Variants in JAZF1 observed in about 807,000 individuals in gnomAD.
JAZF1 encodes JAZF zinc finger 1, also known as juxtaposed with another zinc finger protein 1.
JAZF1 carries 8 observed loss-of-function variants against 26.4 expected under a neutral mutation model. The observed-to-expected ratio is 0.30, with a 90% CI of 0.18 to 0.55. JAZF1 has a LOEUF of 0.55. Ranked by LOEUF, JAZF1 falls within the 20% of genes least tolerant of loss-of-function variation. The probability of loss-of-function intolerance (pLI) is 0.94; values close to 1 mark genes in which losing one functional copy is unlikely to be tolerated. For synonymous variants in JAZF1, 126 were observed against 122.3 expected, an observed-to-expected ratio of 1.03 and a Z score of -0.20; for missense variants, 199 against 322.0, an observed-to-expected ratio of 0.62 and a Z score of 2.92.
In JAZF1 at chr7:28,180,653, G is replaced by C; in HGVS notation, c.-76C>G. The C allele has an allele frequency of 9.8e-7, 1 of 1,021,086 alleles. No individual in the cohort carries two copies. Among genetic ancestry groups the C allele is most frequent in the South Asian group, 1.4e-5 (1 of 72,784 alleles). 63.3% of individuals were successfully genotyped at this position (1,021,086 alleles called of 1,614,324 possible). On this transcript the variant is annotated 5_prime_UTR_variant, in exon 1 of 5. Transcript: ENST00000283928. Reference sequence around the variant, plus strand: ...GCGAGGGAGGGAGGGAGGCCGGGTGGGGTGAGGAGAGGAGGGGCTGGGGGA... The same window carrying C: ...GCGAGGGAGGGAGGGAGGCCGGGTGCGGTGAGGAGAGGAGGGGCTGGGGGA...
In JAZF1 at chr7:28,160,962, A is replaced by AAATC. The variant is rs140435428; in HGVS notation, c.115+19497_115+19500dup. Among the ~76,000 whole-genome samples, 560 of 152,280 alleles carry AAATC rather than the reference A, an allele frequency of 3.7e-3. 1 individual carries two copies. The highest frequency in any genetic ancestry group is 0.01 in the Middle Eastern group (3 of 294). On this transcript the variant is annotated intron_variant, in intron 1 of 4. Coordinates refer to ENST00000283928, the MANE Select transcript of JAZF1 (RefSeq NM_175061.4). ...TTTTTTGACCTGAAAGAAACCTCAG[A>AAATC]AATCATCCATTCCTGCATTAGAATG...
rs138052870 is a variant in JAZF1 at position 27,964,567 on chromosome 7, T to C, written c.188+27342A>G. 6.1e-3 allele frequency among the ~76,000 whole-genome samples: 925 copies of C among 152,044 alleles called. 7 individuals are homozygous for C. Among genetic ancestry groups the C allele is most frequent in the Non-Finnish European group, 0.01 (704 of 67,978 alleles). On this transcript the variant is annotated intron_variant, in intron 2 of 4. Transcript: ENST00000283928. ...ATATTGTACAAGAATGGGTACAATA[T>C]AAATGATCCACCCCTACCACCAAAA...
chr7:28,011,166 CAA>C (rs1294226609), intron 1 of JAZF1, among the ~76,000 whole-genome samples: 1 of 152,100 alleles, frequency 6.6e-6, no homozygotes, highest in Non-Finnish European at 1.5e-5. Context: ...AGTCAACAGA[CAA>C]GAGACCTGCA....
intron 3 of JAZF1, among the ~76,000 whole-genome samples, chr7:27,848,061 C>T (rs1432619718): frequency 1.3e-5 from 2 of 152,160 alleles, no homozygotes; most frequent in Non-Finnish European, 2.9e-5. Flanking sequence ...TGTGGTTCTA[C>T]ATCAGTTTAA....
intron 3 of JAZF1, among the ~76,000 whole-genome samples, chr7:27,884,042 A>T (rs1373469743): frequency 6.6e-6 from 1 of 152,262 alleles, no homozygotes; most frequent in East Asian, 1.9e-4. Flanking sequence ...TGCTAGTTCA[A>T]AGAGTGACTG....
intron 2 of JAZF1, among the ~76,000 whole-genome samples, chr7:27,973,273 C>T (rs1272342273): frequency 6.6e-6 from 1 of 151,968 alleles, no homozygotes; most frequent in Admixed American, 6.6e-5. Context: ...CACTTTGTCA[C>T]CCAGGCTGGA....
chr7:28,160,901 A>T (rs575518131), intron 1 of JAZF1, among the ~76,000 whole-genome samples: 7 of 152,326 alleles, frequency 4.6e-5, no homozygotes, highest in African/African-American at 1.7e-4. Context: ...GGTTGGAGAG[A>T]AAAGTTCTTG....
chr7:27,996,519 T>C (rs563403495), intron 1 of JAZF1, among the ~76,000 whole-genome samples: 52 of 152,272 alleles, frequency 3.4e-4, no homozygotes, highest in South Asian at 6.2e-4. Context: ...ATTTTGAAGA[T>C]CTGGGCTGGA....
intron 3 of JAZF1, 136 bp from the exon 4 acceptor site, chr7:27,841,003 A>AG (rs1296258198): frequency 2.5e-6 from 2 of 796,288 alleles, no homozygotes; most frequent in Non-Finnish European, 4.0e-6. Context: ...TCCCGGCACC[A>AG]GGGGACTGCA....
At chr7:27,895,529 G>A (rs1784047959) in intron 2 of JAZF1, 113 bp from the exon 3 acceptor site, 6 of 614,742 alleles carry the variant, frequency 9.8e-6, no homozygotes, top group Middle Eastern at 2.9e-4. Context: ...TTGGCCACAG[G>A]TCAGTCCCAA....
Position 27,840,951 on chromosome 7 carries a change from T to G in JAZF1, c.386-84A>C. 1 of 1,469,264 alleles carries G rather than the reference T, an allele frequency of 6.8e-7. No individual in the cohort carries two copies. Among genetic ancestry groups the G allele is most frequent in the Non-Finnish European group, 9.3e-7 (1 of 1,071,884 alleles). 91.0% of individuals were successfully genotyped at this position (1,469,264 alleles called of 1,614,324 possible). On this transcript the variant is annotated intron_variant, in intron 3 of 4. Coordinates refer to ENST00000283928, the MANE Select transcript of JAZF1 (RefSeq NM_175061.4). The surrounding 1 kb of genome is among the most constrained non-coding windows in gnomAD (Gnocchi z 5.1). The stretch of plus-strand genomic sequence containing the variant: ...CCGGCCACTTCCAGGACAGGAGATG[T>G]GGCCGTGGCAGAGCAGCGCTGACGG...
intron 3 of JAZF1, among the ~76,000 whole-genome samples, chr7:27,846,348 CACGTAT>C (rs967110838): frequency 9.2e-5 from 13 of 140,874 alleles, no homozygotes; most frequent in African/African-American, 3.2e-4. Context: ...CGTATATATA[CACGTAT>C]ACGTGTACAT....
chr7:27,882,454 T>C (rs757799665), intron 3 of JAZF1, among the ~76,000 whole-genome samples: 2 of 151,966 alleles, frequency 1.3e-5, no homozygotes, highest in Non-Finnish European at 2.9e-5. Flanking sequence ...GGAGGAACTA[T>C]GTAATTTTGG....
intron 1 of JAZF1, among the ~76,000 whole-genome samples, chr7:28,030,928 C>T (rs958359697): frequency 1.3e-5 from 2 of 152,154 alleles, no homozygotes; most frequent in African/African-American, 4.8e-5. Flanking sequence ...CAGATAAATA[C>T]ATTCATCATT....
rs1189576958 is a variant in JAZF1, at chr7:28,144,459, T to C, written c.115+36004A>G. Among the ~76,000 whole-genome samples, 5 of 152,178 alleles carry C rather than the reference T, an allele frequency of 3.3e-5. No individual in the cohort carries two copies. In the East Asian group the frequency reaches 9.6e-4, roughly 29 times the overall value. ...TTCCAAGGTCCTGAGAGGCAGACAT[T>C]TGCAGGAAACAATGGGAGCAGCAGT... On this transcript the variant is annotated intron_variant, in intron 1 of 4. Coordinates refer to ENST00000283928, the MANE Select transcript of JAZF1 (RefSeq NM_175061.4).
At chr7:27,915,946 A>T (rs957444333) in intron 2 of JAZF1, among the ~76,000 whole-genome samples, 1 of 152,198 alleles carries the variant, frequency 6.6e-6, no homozygotes, top group Non-Finnish European at 1.5e-5. Context: ...GTAGAATTCA[A>T]CTGAAATTTC....
chr7:28,109,845 G>A (rs1307800545), intron 1 of JAZF1, among the ~76,000 whole-genome samples: 1 of 152,148 alleles, frequency 6.6e-6, no homozygotes, highest in Non-Finnish European at 1.5e-5. Context: ...GCCAACAACT[G>A]AAGAGAGAAT....
At chr7:28,120,509 T>C (rs1460293531) in intron 1 of JAZF1, among the ~76,000 whole-genome samples, 1 of 83,920 alleles carries the variant, frequency 1.2e-5, no homozygotes, top group South Asian at 6.0e-4. Context: ...TTCTTTTTTT[T>C]TTTTTTTTTT....
intron 1 of JAZF1, among the ~76,000 whole-genome samples, chr7:28,175,515 G>C (rs182975682): frequency 6.6e-6 from 1 of 152,326 alleles, no homozygotes; most frequent in African/African-American, 2.4e-5. Context: ...TGAGATGGAT[G>C]CTGCTACTAT....
Sources: gnomAD v4.1 joint callset for allele counts (sites outside exome capture counted in the v4.1 genomes callset) on GRCh38, gnomAD v4.1.1 for gene constraint, Gnocchi (gnomAD v3.1) non-coding constraint, MANE v1.5 for transcripts, NCBI Gene and HGNC (gene_info 2026-07-23, HGNC 2026-07-21) for gene names.